Variants in PTPRK observed in about 807,000 individuals in gnomAD.
PTPRK encodes the protein protein tyrosine phosphatase receptor type K, also known as receptor-type tyrosine-protein phosphatase kappa.
Under a neutral mutation model 178.0 loss-of-function variants are expected in PTPRK, and 75 were observed. The ratio of observed to expected loss-of-function variants is 0.42; its 90% confidence interval spans 0.35 to 0.51. The LOEUF (loss-of-function observed/expected upper bound fraction) is 0.51. Ranked by LOEUF, PTPRK falls within the 20% of genes least tolerant of loss-of-function variation. The pLI is 0.02. For synonymous variants in PTPRK, 637 were observed against 620.6 expected (o/e 1.03, Z -0.39); for missense variants, 1,441 against 1,797.8 (o/e 0.80, Z 3.59).
chr6:127,976,666 A>G lies in PTPRK; in HGVS notation c.3960T>C (p.Asn1320=), dbSNP rs1425349487. The part of the protein sequence containing the change: ...DVINRIFRIC[N]LTRPQEGYLM... ...TCCGATAGTGACTTACTCTTGTTAG[A>G]TTGCATATCCTAAAAATCCGGTTGA... The change falls in exon 27 of 30, where the codon AAT becomes AAC. Residue 1320 remains asparagine, a synonymous_variant. Coordinates refer to ENST00000368226, the MANE Select transcript of PTPRK (RefSeq NM_002844.4). 6.2e-7 allele frequency: 1 copy of G among 1,614,046 alleles called. No individual in the cohort carries two copies. The highest frequency in any genetic ancestry group is 8.5e-7 in the Non-Finnish European group (1 of 1,179,982).
intron 7 of PTPRK, among the ~76,000 whole-genome samples, chr6:128,146,408 ATGTGTGTGTGTGTTTATGTGTGTGTG>A: frequency 6.9e-6 from 1 of 145,280 alleles, no homozygotes; most frequent in South Asian, 2.2e-4. Context: ...GTGTGTGTTT[ATGTGTGTGTGTGTTTATGTGTGTGTG>A]TGTGTGTGTG....
intron 7 of PTPRK, among the ~76,000 whole-genome samples, chr6:128,164,889 T>C (rs1799181625): frequency 6.6e-6 from 1 of 151,292 alleles, no homozygotes; most frequent in South Asian, 2.1e-4. Flanking sequence ...AATATTAAAA[T>C]ATTTTCCACA....
chr6:128,278,166 T>A (rs1405530643), intron 3 of PTPRK, among the ~76,000 whole-genome samples: 1 of 148,228 alleles, frequency 6.7e-6, no homozygotes, highest in Non-Finnish European at 1.5e-5. Flanking sequence ...TTTATTTATT[T>A]ATTTATTTGA....
chr6:128,187,083 G>A (rs1402987933), intron 6 of PTPRK, among the ~76,000 whole-genome samples: 1 of 151,946 alleles, frequency 6.6e-6, no homozygotes, highest in African/African-American at 2.4e-5. Flanking sequence ...AACAAACCTT[G>A]GTTAATCATA....
At chr6:128,385,299 A>G (rs890096312) in intron 2 of PTPRK, among the ~76,000 whole-genome samples, 5 of 152,018 alleles carry the variant, frequency 3.3e-5, no homozygotes, top group Admixed American at 6.6e-5. Flanking sequence ...GGACAACCGC[A>G]GGGATTCACT....
intron 6 of PTPRK, among the ~76,000 whole-genome samples, chr6:128,203,697 C>T (rs1403229495): frequency 6.6e-6 from 1 of 152,002 alleles, no homozygotes; most frequent in Non-Finnish European, 1.5e-5. Flanking sequence ...GAATAAAATG[C>T]CTAGAAATAC....
intron 2 of PTPRK, among the ~76,000 whole-genome samples, chr6:128,361,014 C>A (rs1834671866): frequency 6.6e-6 from 1 of 152,060 alleles, no homozygotes; most frequent in Non-Finnish European, 1.5e-5. Context: ...GAATTCAGAG[C>A]AAATTAAGAA....
intron 1 of PTPRK, among the ~76,000 whole-genome samples, chr6:128,418,607 G>A (rs1354221943): frequency 6.6e-6 from 1 of 152,076 alleles, no homozygotes; most frequent in Non-Finnish European, 1.5e-5. Context: ...ACCCTCATCT[G>A]GGGAAAAATT....
chr6:128,132,883 C>T (rs1275542703), intron 7 of PTPRK, among the ~76,000 whole-genome samples: 1 of 152,088 alleles, frequency 6.6e-6, no homozygotes, highest in Non-Finnish European at 1.5e-5. Flanking sequence ...TCCATCAGCC[C>T]CATTTGAACA....
At chr6:128,426,897 C>T (rs755429364) in intron 1 of PTPRK, among the ~76,000 whole-genome samples, 6 of 152,088 alleles carry the variant, frequency 3.9e-5, no homozygotes, top group Non-Finnish European at 8.8e-5. Context: ...GATTTCAGGG[C>T]CTTGACTTTT....
In PTPRK at chr6:127,995,510, G is replaced by A. The variant is rs185122630; in HGVS notation, c.2796C>T (p.Pro932=). 1.6e-5 allele frequency: 26 copies of A among 1,597,494 alleles called. No homozygotes were observed. Among genetic ancestry groups the A allele is most frequent in the African/African-American group, 2.7e-5 (2 of 74,086 alleles). ...AATCTGAGGAAGGATCATCCTCTAC[G>A]GGTTGCAAAATCACTCTGGAGTGAT... The part of the protein sequence containing the change: ...AYDHSRVILQ[P]VEDDPSSDYI... Residue 932 remains proline (P), a synonymous_variant, in exon 18 of 30, where the codon CCC becomes CCT. Coordinates refer to ENST00000368226, the MANE Select transcript of PTPRK (RefSeq NM_002844.4).
intron 5 of PTPRK, among the ~76,000 whole-genome samples, chr6:128,237,042 G>A (rs1813416654): frequency 6.6e-6 from 1 of 152,150 alleles, no homozygotes; most frequent in Non-Finnish European, 1.5e-5. Context: ...AAAGAATACA[G>A]AAGTGAGAGA....
At position 128,206,512 on chromosome 6, in the gene PTPRK, T is replaced by C. The variant is rs537257695; in HGVS notation, c.868+12410A>G. 2.7e-3 allele frequency among the ~76,000 whole-genome samples: 413 copies of C among 151,928 alleles called. 1 individual carries two copies. The highest frequency in any genetic ancestry group is 9.0e-3 in the African/African-American group (371 of 41,436). The stretch of plus-strand genomic sequence containing the variant: ...TTTATTCTCAGTATAAAAAAAGGAT[T>C]ATCAGTATTAATTGTTAAAACTCGC... On this transcript the variant is annotated intron_variant, in intron 6 of 29. Coordinates refer to ENST00000368226, the MANE Select transcript of PTPRK (RefSeq NM_002844.4).
At chr6:128,359,944 C>T (rs962604164) in intron 2 of PTPRK, among the ~76,000 whole-genome samples, 2 of 152,212 alleles carry the variant, frequency 1.3e-5, no homozygotes, top group East Asian at 3.9e-4. Context: ...GTCTTTTTCA[C>T]AAGCATTTTC....
At chr6:128,267,924 C>T (rs1209016918) in intron 3 of PTPRK, among the ~76,000 whole-genome samples, 1 of 152,004 alleles carries the variant, frequency 6.6e-6, no homozygotes, top group Non-Finnish European at 1.5e-5. Flanking sequence ...ACTATTACAT[C>T]AACTACTGGG....
chr6:128,317,989 A>C (rs1828258489), intron 3 of PTPRK, among the ~76,000 whole-genome samples: 1 of 152,196 alleles, frequency 6.6e-6, no homozygotes, highest in Non-Finnish European at 1.5e-5. Context: ...ATACAAGATC[A>C]TGAGCAGAGT....
intron 7 of PTPRK, among the ~76,000 whole-genome samples, chr6:128,110,044 T>C (rs1265100894): frequency 6.6e-6 from 1 of 152,106 alleles, no homozygotes; most frequent in Non-Finnish European, 1.5e-5. Flanking sequence ...TGTCTAATAC[T>C]ACAGGTATGC....
intron 6 of PTPRK, among the ~76,000 whole-genome samples, chr6:128,188,549 G>A (rs1012379855): frequency 6.6e-6 from 1 of 152,078 alleles, no homozygotes; most frequent in East Asian, 1.9e-4. Flanking sequence ...TTGACATAAA[G>A]TATCGTAAGA....
intron 2 of PTPRK, among the ~76,000 whole-genome samples, chr6:128,338,152 C>T (rs978679515): frequency 7.2e-5 from 11 of 152,012 alleles, no homozygotes; most frequent in African/African-American, 2.7e-4. Flanking sequence ...ATAACTCTGG[C>T]CACAATGTAT....
Sources: allele counts gnomAD v4.1 joint callset (sites outside exome capture counted in the v4.1 genomes callset), GRCh38; gene constraint gnomAD v4.1.1; transcripts MANE v1.5; gene names NCBI Gene and HGNC (gene_info 2026-07-23, HGNC 2026-07-21).